NCOA3: variants seen among roughly 807,000 people sequenced by gnomAD.
NCOA3 encodes the protein nuclear receptor coactivator 3.
NCOA3 carries 51 observed loss-of-function variants against 158.8 expected under a neutral mutation model. The observed-to-expected ratio is 0.32, with a 90% CI of 0.26 to 0.41. NCOA3 has a LOEUF of 0.41. Ranked by LOEUF, NCOA3 falls within the 10% of genes least tolerant of loss-of-function variation. NCOA3 has a pLI of 1.00. For missense variants in NCOA3, 1,510 were observed against 1,746.6 expected (o/e 0.86, Z 2.41); for synonymous variants, 537 against 592.4 (o/e 0.91, Z 1.36).
intron 14 of NCOA3, 126 bp from the exon 15 acceptor site, chr20:47,639,451 C>G: frequency 7.5e-7 from 1 of 1,340,624 alleles, no homozygotes; most frequent in Non-Finnish European, 1.0e-6. Context: ...TTGGCCAGCC[C>G]TTTTCTTACC....
rs559167174 is a variant in NCOA3, at chr20:47,644,477, A to G, written c.3252+2093A>G. On this transcript the variant is annotated intron_variant, in intron 17 of 22. Transcript: ENST00000371998. ...CATTCTATATTTTGAAGTCTTCTCT[A>G]TTTTTCTTGTCTTTGATTTGCTTGA... Among the ~76,000 whole-genome samples the G allele has an allele frequency of 3.3e-5, 5 of 151,286 alleles. No homozygotes were observed. In the East Asian group the frequency reaches 9.9e-4, roughly 30 times the overall value.
In NCOA3 at chr20:47,645,542, C is replaced by A. The variant is rs139530648; in HGVS notation, c.3253-1531C>A. On this transcript the variant is annotated intron_variant, in intron 17 of 22. Coordinates refer to ENST00000371998, the MANE Select transcript of NCOA3 (RefSeq NM_181659.3). Reference sequence around the variant, plus strand: ...AATATGGAAATACTTGATCTTGTTGCGTTATTAGTGTTTTATGGATAAATA... The same window carrying A: ...AATATGGAAATACTTGATCTTGTTGAGTTATTAGTGTTTTATGGATAAATA... Among the ~76,000 whole-genome samples, 7 of 151,836 alleles carry A rather than the reference C, an allele frequency of 4.6e-5. No individual in the cohort carries two copies. In the East Asian group the frequency reaches 1.4e-3, roughly 29 times the overall value.
intron 22 of NCOA3, 128 bp downstream of exon 22, chr20:47,653,200 T>C (rs374785899): frequency 3.3e-5 from 42 of 1,273,736 alleles, no homozygotes; most frequent in Non-Finnish European, 4.0e-5. Context: ...AATATAGTAA[T>C]TGAAAAAACT....
Position 47,572,425 on chromosome 20 carries a change from G to A in NCOA3, c.-98-10758G>A, listed in dbSNP as rs8126149. 6.4e-3 allele frequency among the ~76,000 whole-genome samples: 979 copies of A among 152,154 alleles called. 9 individuals carry two copies. The highest frequency in any genetic ancestry group is 0.02 in the Middle Eastern group (6 of 294). ...GTATCTAGTAAAAGAAAAAAAAACA[G>A]TACTTGTCTCTTCGCATTCACAACT... On this transcript the variant is annotated intron_variant, in intron 1 of 22. Coordinates refer to ENST00000371998, the MANE Select transcript of NCOA3 (RefSeq NM_181659.3).
rs529330583 is a variant in NCOA3 at position 47,612,015 on chromosome 20, C to T, written c.-19-10214C>T. On this transcript the variant is annotated intron_variant, in intron 2 of 22. Transcript: ENST00000371998. ...AAGTGTTTTGTATTTTTTGTAGAGA[C>T]GGCGTTTTGCCACTTTGCCCAGGCT... Among the ~76,000 whole-genome samples the T allele has an allele frequency of 2.6e-4, 39 of 152,190 alleles. No homozygotes were observed. The East Asian group carries it at 6.2e-3, about 24-fold the overall frequency.
intron 1 of NCOA3, 35 bp from the exon 2 acceptor site, chr20:47,583,148 T>C (rs1455916267): frequency 2.5e-6 from 1 of 398,436 alleles, no homozygotes; most frequent in African/African-American, 2.1e-5. Flanking sequence ...GAAAAGACAA[T>C]AAAATTCAAT....
chr20:47,620,232 C>T (rs762954607), intron 2 of NCOA3, among the ~76,000 whole-genome samples: 43 of 152,100 alleles, frequency 2.8e-4, no homozygotes, highest in Non-Finnish European at 5.3e-4. Context: ...CTGTTTTATT[C>T]CTAAGTAGTT....
chr20:47,528,429 G>C (rs1261972830), intron 1 of NCOA3, among the ~76,000 whole-genome samples: 2 of 151,954 alleles, frequency 1.3e-5, no homozygotes, highest in African/African-American at 4.8e-5. Flanking sequence ...ATATTGGTCT[G>C]GTATAAACCT....
intron 1 of NCOA3, among the ~76,000 whole-genome samples, chr20:47,518,151 A>C (rs77124908): frequency 6.6e-6 from 1 of 151,894 alleles, no homozygotes; most frequent in African/African-American, 2.4e-5. Flanking sequence ...GTTCATTACA[A>C]GTCTGGGCAA....
chr20:47,535,109 G>C (rs1271282745), intron 1 of NCOA3, among the ~76,000 whole-genome samples: 1 of 151,830 alleles, frequency 6.6e-6, no homozygotes, highest in East Asian at 1.9e-4. Flanking sequence ...CTTGAGTGCA[G>C]TAGTGCAGTG....
chr20:47,521,229 C>T (rs1047182006), intron 1 of NCOA3, among the ~76,000 whole-genome samples: 2 of 152,234 alleles, frequency 1.3e-5, no homozygotes, highest in Admixed American at 1.3e-4. Flanking sequence ...CGGGGTGCAC[C>T]TCCTCACAAG....
At chr20:47,597,995 C>T (rs1333778302) in intron 2 of NCOA3, among the ~76,000 whole-genome samples, 1 of 151,524 alleles carries the variant, frequency 6.6e-6, no homozygotes, top group African/African-American at 2.4e-5. Flanking sequence ...CCTGTAATCC[C>T]AGCACTTTAG....
rs1186394259 is a variant in NCOA3, at chr20:47,648,759, T to G, written c.3547-246T>G. ...GGATTACAGGTGTGAAGATATTCTT[T>G]AAGCTGCAAAATTGCACTTTACTTT... On this transcript the variant is annotated intron_variant, in intron 18 of 22. Transcript: ENST00000371998. Among the ~76,000 whole-genome samples, 3 of 152,210 alleles carry G rather than the reference T, an allele frequency of 2.0e-5. No homozygotes were observed. The South Asian group carries it at 6.2e-4, about 32-fold the overall frequency.
At chr20:47,557,076 C>CA (rs2085019048) in intron 1 of NCOA3, among the ~76,000 whole-genome samples, 1 of 152,164 alleles carries the variant, frequency 6.6e-6, no homozygotes, top group Non-Finnish European at 1.5e-5. Context: ...AACAGTGCCA[C>CA]AAAGAACATC....
chr20:47,538,877 G>GT (rs1188681364), intron 1 of NCOA3, among the ~76,000 whole-genome samples: 1 of 152,200 alleles, frequency 6.6e-6, no homozygotes, highest in East Asian at 1.9e-4. Flanking sequence ...TCTAAAAGAT[G>GT]TTTAGTTTTC....
At chr20:47,550,247 C>A (rs1453604941) in intron 1 of NCOA3, among the ~76,000 whole-genome samples, 1 of 151,240 alleles carries the variant, frequency 6.6e-6, no homozygotes, top group African/African-American at 2.4e-5. Flanking sequence ...GAGTTTGAGA[C>A]CAACCTGACC....
At chr20:47,631,596 T>C (rs2086419437) in intron 8 of NCOA3, among the ~76,000 whole-genome samples, 1 of 152,202 alleles carries the variant, frequency 6.6e-6, no homozygotes, top group Non-Finnish European at 1.5e-5. Flanking sequence ...CTTCCAGCAT[T>C]GTAGAAATGA....
intron 21 of NCOA3, 74 bp downstream of exon 21, chr20:47,652,654 C>A: frequency 7.0e-7 from 1 of 1,435,894 alleles, no homozygotes; most frequent in South Asian, 1.3e-5. Flanking sequence ...ATTTTTCAGT[C>A]AAGCCTTTTT....
At chr20:47,510,840 C>A (rs2084110750) in intron 1 of NCOA3, among the ~76,000 whole-genome samples, 1 of 152,070 alleles carries the variant, frequency 6.6e-6, no homozygotes, top group Non-Finnish European at 1.5e-5. Flanking sequence ...GCCTTGGTCT[C>A]CCAAAGTGCT....
Sources: allele counts gnomAD v4.1 joint callset (sites outside exome capture counted in the v4.1 genomes callset), GRCh38; gene constraint gnomAD v4.1.1; transcripts MANE v1.5; gene names NCBI Gene and HGNC (gene_info 2026-07-23, HGNC 2026-07-21).